The following ZCWPW2 variants were observed in gnomAD, a reference collection of about 807,000 sequenced individuals.
The protein encoded by ZCWPW2 is zinc finger CW-type PWWP domain protein 2.
A neutral mutation model predicts 46.6 loss-of-function variants in ZCWPW2; 45 were observed. The observed-to-expected ratio is 0.96, with a 90% CI of 0.76 to 1.24. The LOEUF is 1.24. Among genes scored for constraint, ZCWPW2 ranks in the 50% most tolerant of loss-of-function variants. The pLI is 0.00. For synonymous variants in ZCWPW2, 152 were observed against 137.1 expected (o/e 1.11, Z -0.76); for missense variants, 429 against 403.9 (o/e 1.06, Z -0.53).
intron 2 of ZCWPW2, among the ~76,000 whole-genome samples, chr3:28,396,672 T>C (rs77481573): frequency 1.1e-3 from 175 of 152,340 alleles, no homozygotes; most frequent in African/African-American, 3.8e-3. Context: ...AAAATGGATA[T>C]ATATCTTCCT....
At position 28,524,998 on chromosome 3, in the gene ZCWPW2, GGCCC is replaced by G. The variant is rs1700814602; in HGVS notation, c.*311_*314del. 6.2e-6 allele frequency: 1 copy of G among 161,168 alleles called. No individual in the cohort carries two copies. Among genetic ancestry groups the G allele is most frequent in the Non-Finnish European group, 1.3e-5 (1 of 74,648 alleles). 10.0% of individuals were successfully genotyped at this position (161,168 alleles called of 1,614,324 possible). A position where few individuals can be genotyped will look rare whatever the true frequency, so the allele number is the denominator to read the frequency against. On this transcript the variant is annotated 3_prime_UTR_variant, in exon 10 of 10. Transcript: ENST00000383768. Reference sequence around the variant, plus strand: ...ACATATGTTTTACAATGATTGTTTAGGCCCTTTGTTCAAAAATGGATAACTTAAA... The same window carrying G: ...ACATATGTTTTACAATGATTGTTTAGTTTGTTCAAAAATGGATAACTTAAA...
At chr3:28,501,147 C>G (rs1433376164) in intron 6 of ZCWPW2, among the ~76,000 whole-genome samples, 1 of 152,126 alleles carries the variant, frequency 6.6e-6, no homozygotes, top group Non-Finnish European at 1.5e-5. Context: ...AGCATCTTAT[C>G]TATGAAATAG....
chr3:28,438,071 G>A (rs1697571112), intron 4 of ZCWPW2, among the ~76,000 whole-genome samples: 1 of 152,174 alleles, frequency 6.6e-6, no homozygotes, highest in Non-Finnish European at 1.5e-5. Flanking sequence ...GTGGCAGACA[G>A]TTGCACATGT....
intron 1 of ZCWPW2, among the ~76,000 whole-genome samples, chr3:28,351,408 C>G (rs777370603): frequency 6.6e-6 from 1 of 151,502 alleles, no homozygotes; most frequent in Non-Finnish European, 1.5e-5. Context: ...ACTGAATTAG[C>G]TTGGACTTCA....
At chr3:28,508,532 T>C (rs1700340356) in intron 6 of ZCWPW2, among the ~76,000 whole-genome samples, 1 of 152,194 alleles carries the variant, frequency 6.6e-6, no homozygotes, top group Non-Finnish European at 1.5e-5. Flanking sequence ...GTTTTTGTTT[T>C]TTTGAGACAG....
At chr3:28,511,986 A>G (rs545805367) in intron 6 of ZCWPW2, among the ~76,000 whole-genome samples, 6 of 152,118 alleles carry the variant, frequency 3.9e-5, no homozygotes, top group Non-Finnish European at 8.8e-5. Flanking sequence ...ATAGTATTAA[A>G]CCTTTTTATA....
intron 4 of ZCWPW2, among the ~76,000 whole-genome samples, chr3:28,471,218 AAAT>A (rs1223240809): frequency 1.3e-5 from 2 of 152,218 alleles, no homozygotes; most frequent in Non-Finnish European, 1.5e-5. Flanking sequence ...CTATTCCAAA[AAAT>A]AGAAGTGGAG....
intron 8 of ZCWPW2, 48 bp from the exon 9 acceptor site, chr3:28,520,944 A>G: frequency 1.2e-6 from 2 of 1,604,928 alleles, no homozygotes; most frequent in East Asian, 2.3e-5. Context: ...AATTAGATTG[A>G]ATTAAGTGAG....
intron 4 of ZCWPW2, among the ~76,000 whole-genome samples, chr3:28,468,267 GA>G (rs1378814462): frequency 6.6e-6 from 1 of 151,174 alleles, no homozygotes; most frequent in Non-Finnish European, 1.5e-5. Flanking sequence ...AAAATACAAA[GA>G]AGAGACAAAA....
intron 4 of ZCWPW2, among the ~76,000 whole-genome samples, chr3:28,451,265 C>T (rs1027427014): frequency 2.8e-4 from 43 of 152,096 alleles, no homozygotes; most frequent in Admixed American, 5.2e-4. Context: ...GTCTAACAGC[C>T]ATCCCTTGAA....
At chr3:28,409,269 G>A (rs1696301541) in intron 2 of ZCWPW2, among the ~76,000 whole-genome samples, 1 of 151,596 alleles carries the variant, frequency 6.6e-6, no homozygotes, top group South Asian at 2.1e-4. Context: ...ACAGGCGCCT[G>A]CCACCACACC....
At chr3:28,502,100 G>T (rs1700158118) in intron 6 of ZCWPW2, among the ~76,000 whole-genome samples, 1 of 152,076 alleles carries the variant, frequency 6.6e-6, no homozygotes, top group African/African-American at 2.4e-5. Context: ...TTACAGAGCA[G>T]TATTAAAACG....
Position 28,365,754 on chromosome 3 carries a change from C to T in ZCWPW2, c.-134+16551C>T, listed in dbSNP as rs575862759. Among the ~76,000 whole-genome samples, 319 of 141,166 alleles carry T rather than the reference C, an allele frequency of 2.3e-3. 36 individuals are homozygous for T. The highest frequency in any genetic ancestry group is 7.5e-3 in the African/African-American group (298 of 39,690). 92.6% of individuals were successfully genotyped at this position (141,166 alleles called of 152,430 possible). On this transcript the variant is annotated intron_variant, in intron 1 of 9. Transcript: ENST00000383768. ...ACCTTGGGCAGTATGGCCATTTTCACAATATTGATTCTTCCTACCCATGAG... is the reference window on the plus strand; with the variant it reads ...ACCTTGGGCAGTATGGCCATTTTCATAATATTGATTCTTCCTACCCATGAG...
intron 1 of ZCWPW2, among the ~76,000 whole-genome samples, chr3:28,352,733 G>A (rs1327787656): frequency 1.3e-5 from 2 of 152,050 alleles, no homozygotes; most frequent in African/African-American, 2.4e-5. Context: ...GCAAATGTTT[G>A]GAATGGAAGA....
intron 2 of ZCWPW2, among the ~76,000 whole-genome samples, 171 bp downstream of exon 2, chr3:28,390,788 A>G (rs1218853441): frequency 1.3e-5 from 2 of 152,224 alleles, no homozygotes; most frequent in African/African-American, 4.8e-5. Flanking sequence ...AGGAGGTTAA[A>G]TGACTTTCCC....
intron 5 of ZCWPW2, among the ~76,000 whole-genome samples, chr3:28,484,027 G>A (rs1000428864): frequency 6.6e-6 from 1 of 152,094 alleles, no homozygotes; most frequent in Non-Finnish European, 1.5e-5. Flanking sequence ...GAGAAGAGTG[G>A]TGAGGGAGAA....
intron 3 of ZCWPW2, among the ~76,000 whole-genome samples, chr3:28,423,849 C>T (rs1369631918): frequency 6.6e-6 from 1 of 152,062 alleles, no homozygotes; most frequent in Non-Finnish European, 1.5e-5. Flanking sequence ...CCTCCTCCCA[C>T]CCTCCTTCCT....
chr3:28,409,057 A>T (rs898581671), intron 2 of ZCWPW2, among the ~76,000 whole-genome samples: 2 of 151,822 alleles, frequency 1.3e-5, no homozygotes, highest in Non-Finnish European at 1.5e-5. Flanking sequence ...AGAGTCTTCC[A>T]TCTTATTCAT....
chr3:28,524,284 G>A (rs1281052477), intron 9 of ZCWPW2, among the ~76,000 whole-genome samples: 1 of 151,898 alleles, frequency 6.6e-6, no homozygotes, highest in Non-Finnish European at 1.5e-5. Context: ...CATTTTTCCA[G>A]AGCATAAAAT....
Sources: allele counts gnomAD v4.1 joint callset (sites outside exome capture counted in the v4.1 genomes callset), GRCh38; gene constraint gnomAD v4.1.1; transcripts MANE v1.5; gene names NCBI Gene and HGNC (gene_info 2026-07-23, HGNC 2026-07-21).